IQSEC1: variants seen among roughly 807,000 people sequenced by gnomAD.
IQSEC1 encodes the protein IQ motif and Sec7 domain ArfGEF 1, also known as IQ motif and SEC7 domain-containing protein 1.
Under a neutral mutation model 91.0 loss-of-function variants are expected in IQSEC1, and 31 were observed. That is an observed-to-expected ratio of 0.34 (90% CI 0.26 to 0.46). IQSEC1 has a LOEUF of 0.46. Among genes scored for constraint, IQSEC1 ranks in the 20% least tolerant of loss-of-function variants. The probability of loss-of-function intolerance (pLI) is 1.00; values close to 1 mark genes in which losing one functional copy is unlikely to be tolerated. For synonymous variants in IQSEC1, 699 were observed against 662.6 expected, an observed-to-expected ratio of 1.05 and a Z score of -0.84; for missense variants, 1,388 against 1,575.6, an observed-to-expected ratio of 0.88 and a Z score of 2.02.
chr3:12,968,169 A>G (rs138921363), intron 1 of IQSEC1, among the ~76,000 whole-genome samples: 1 of 152,172 alleles, frequency 6.6e-6, no homozygotes, highest in African/African-American at 2.4e-5. Context: ...ACATCTGCCT[A>G]TCCCGATTTT....
At chr3:13,238,555 A>C (rs1184667303) in intron 1 of IQSEC1, among the ~76,000 whole-genome samples, 1 of 152,146 alleles carries the variant, frequency 6.6e-6, no homozygotes, top group Admixed American at 6.5e-5. Flanking sequence ...TCCCAGTAGG[A>C]GCTCGACACA....
intron 1 of IQSEC1, chr3:12,986,947 T>C: frequency 2.6e-6 from 1 of 381,352 alleles, no homozygotes; most frequent in South Asian, 1.8e-5. Flanking sequence ...ATAGTGGGGC[T>C]GGCCCATCCC....
At chr3:13,162,720 G>A (rs1707199517) in intron 2 of IQSEC1, among the ~76,000 whole-genome samples, 1 of 152,128 alleles carries the variant, frequency 6.6e-6, no homozygotes, top group South Asian at 2.1e-4. Flanking sequence ...CTCACTTAAT[G>A]GTACATTCCA....
At chr3:13,177,572 C>CCCA (rs10658766) in intron 1 of IQSEC1, among the ~76,000 whole-genome samples, 108,516 of 151,716 alleles carry the variant, frequency 0.72, 38,912 homozygotes, top group African/African-American at 0.75. Context: ...CCCCCCATTC[C>CCCA]CCATCCCTGT....
At chr3:13,089,543 C>T (rs1576244711) in intron 2 of IQSEC1, among the ~76,000 whole-genome samples, 1 of 152,142 alleles carries the variant, frequency 6.6e-6, no homozygotes, top group Non-Finnish European at 1.5e-5. Context: ...TGTGTTTGTG[C>T]CACTGCACTC....
intron 1 of IQSEC1, among the ~76,000 whole-genome samples, chr3:13,218,605 A>G (rs1413407922): frequency 1.3e-5 from 2 of 152,218 alleles, no homozygotes; most frequent in Non-Finnish European, 2.9e-5. Context: ...AAATTTTTTC[A>G]TGGAAACTGG....
chr3:12,939,357 A>C (rs368367619), intron 2 of IQSEC1, among the ~76,000 whole-genome samples: 1 of 152,232 alleles, frequency 6.6e-6, no homozygotes, highest in Non-Finnish European at 1.5e-5. Context: ...TCTTGATGAC[A>C]CAGGGACAGT....
Position 12,941,555 on chromosome 3 carries a change from G to T in IQSEC1, c.318+16C>A, listed in dbSNP as rs747610807. On this transcript the variant is annotated intron_variant, in intron 2 of 13. Transcript: ENST00000613206. ...CTGCGCTTGCATGTGTGGCCTGAGG[G>T]GCTGTGCTCTCCTACCTGCTTGTCC... is the stretch of plus-strand genomic sequence containing the variant. The T allele has an allele frequency of 1.9e-6, 3 of 1,542,086 alleles. No homozygotes were observed. In the South Asian group the frequency reaches 3.6e-5, roughly 19 times the overall value.
intron 1 of IQSEC1, among the ~76,000 whole-genome samples, chr3:13,177,790 T>C (rs945026537): frequency 3.3e-5 from 5 of 152,298 alleles, no homozygotes; most frequent in Admixed American, 3.3e-4. Flanking sequence ...ATGGCCATGC[T>C]GCAAGTCCCA....
rs200321255 is a variant in IQSEC1 at position 12,970,279 on chromosome 3, G to C, written c.24-28414C>G. On this transcript the variant is annotated intron_variant, in intron 1 of 13. Transcript: ENST00000613206. This position sits in a 1 kb window ranked among gnomAD's most constrained non-coding sequence, Gnocchi z 4.4. Reference sequence around the variant, plus strand: ...ATTCTGCCCCAGGAGAGGCTCTAATGGGGGGACATTTTGGGTTGGACCTTG... The same window carrying C: ...ATTCTGCCCCAGGAGAGGCTCTAATCGGGGGACATTTTGGGTTGGACCTTG... 1.1e-4 allele frequency among the ~76,000 whole-genome samples: 17 copies of C among 152,292 alleles called. No individual in the cohort carries two copies. The East Asian group carries it at 3.3e-3, about 29-fold the overall frequency.
At chr3:13,250,352 G>A (rs987830160) in intron 1 of IQSEC1, among the ~76,000 whole-genome samples, 97 of 152,136 alleles carry the variant, frequency 6.4e-4, no homozygotes, top group African/African-American at 2.2e-3. Context: ...TGCAATAGCC[G>A]CGGGACCAGC....
At chr3:13,060,817 A>G (rs1252669428) in intron 1 of IQSEC1, among the ~76,000 whole-genome samples, 1 of 152,220 alleles carries the variant, frequency 6.6e-6, no homozygotes, top group Non-Finnish European at 1.5e-5. Context: ...AGGGGCACCC[A>G]GAGAACCAAG....
intron 1 of IQSEC1, among the ~76,000 whole-genome samples, chr3:13,002,949 A>T (rs1043977668): frequency 3.3e-5 from 5 of 152,236 alleles, no homozygotes; most frequent in African/African-American, 9.6e-5. Context: ...GAGAGTTACT[A>T]TGTGACCCAG....
At chr3:12,988,308 G>A (rs1273453849) in intron 1 of IQSEC1, among the ~76,000 whole-genome samples, 1 of 152,126 alleles carries the variant, frequency 6.6e-6, no homozygotes, top group Non-Finnish European at 1.5e-5. Flanking sequence ...CCAGCTACTG[G>A]GGAGGCTGCG....
intron 2 of IQSEC1, among the ~76,000 whole-genome samples, chr3:13,126,622 C>T (rs1706517042): frequency 6.6e-6 from 1 of 152,214 alleles, no homozygotes; most frequent in Admixed American, 6.5e-5. Context: ...GGTGTTTATA[C>T]CATTTCACAT....
At position 12,897,385 on chromosome 3, in the gene IQSEC1, C is replaced by T. The variant is rs1693750546; in HGVS notation, c.*3598G>A. 6.6e-6 allele frequency: 1 copy of T among 152,152 alleles called. No homozygotes were observed. Among genetic ancestry groups the T allele is most frequent in the African/African-American group, 2.4e-5 (1 of 41,430 alleles). 9.4% of individuals were successfully genotyped at this position (152,152 alleles called of 1,614,324 possible). On this transcript the variant is annotated 3_prime_UTR_variant, in exon 14 of 14. Coordinates refer to ENST00000613206, the MANE Select transcript of IQSEC1 (RefSeq NM_001134382.3). ...CCAGGCTTCTTGTGAGGGAGGTGTC[C>T]CTTGAAGTCTCTGAACAGTCTGGGG...
At chr3:13,010,452 G>T (rs1397881580) in intron 1 of IQSEC1, among the ~76,000 whole-genome samples, 1 of 152,196 alleles carries the variant, frequency 6.6e-6, no homozygotes, top group African/African-American at 2.4e-5. Context: ...AGTCGATTCT[G>T]TCAGAACAGT....
intron 1 of IQSEC1, among the ~76,000 whole-genome samples, chr3:13,217,879 TC>T (rs1268212581): frequency 6.6e-6 from 1 of 152,124 alleles, no homozygotes; most frequent in Non-Finnish European, 1.5e-5. Flanking sequence ...CCCAAGCTGA[TC>T]CCTGAAAGAG....
At chr3:12,998,869 C>CG (rs995195516) in intron 1 of IQSEC1, among the ~76,000 whole-genome samples, 2 of 151,326 alleles carry the variant, frequency 1.3e-5, no homozygotes, top group African/African-American at 2.4e-5. Context: ...AGTGGGGGGT[C>CG]GGGGGGCAGG....
Sources: allele counts gnomAD v4.1 joint callset (sites outside exome capture counted in the v4.1 genomes callset), GRCh38; gene constraint gnomAD v4.1.1; non-coding constraint Gnocchi (gnomAD v3.1); transcripts MANE v1.5; gene names NCBI Gene and HGNC (gene_info 2026-07-23, HGNC 2026-07-21).